The following TCAIM variants were observed in gnomAD, a reference collection of about 807,000 sequenced individuals.
TCAIM encodes the protein T cell activation inhibitor, mitochondrial.
TCAIM carries 36 observed loss-of-function variants against 58.6 expected under a neutral mutation model. The ratio of observed to expected loss-of-function variants is 0.61; its 90% CI spans 0.47 to 0.81. TCAIM has a LOEUF of 0.81. TCAIM is among the 30% of genes least tolerant of loss of function. The pLI, the probability that TCAIM is intolerant of heterozygous loss-of-function variation, is 0.00. For missense variants in TCAIM, 466 were observed against 579.6 expected, an observed-to-expected ratio of 0.80 and a Z score of 2.01; for synonymous variants, 172 against 193.6, an observed-to-expected ratio of 0.89 and a Z score of 0.93.
chr3:44,393,126 A>G lies in TCAIM; in HGVS notation c.695+149A>G, dbSNP rs1353271174. On this transcript the variant is annotated intron_variant, in intron 6 of 10. Transcript: ENST00000342649. Reference sequence around the variant, plus strand: ...TCTTTATGAACATCATGAAATGTTCATCTGTGTAAGAAAACTCTTATTAAT... The same window carrying G: ...TCTTTATGAACATCATGAAATGTTCGTCTGTGTAAGAAAACTCTTATTAAT... 8 of 707,854 alleles carry G rather than the reference A, an allele frequency of 1.1e-5. No homozygotes were observed. The Admixed American group carries it at 2.0e-4, about 18-fold the overall frequency. The allele number at this position is 707,854 out of a possible 1,614,324, so 43.8% of individuals were successfully genotyped here. A position where few individuals can be genotyped will look rare whatever the true frequency, so the allele number is the denominator to read the frequency against.
intron 10 of TCAIM, among the ~76,000 whole-genome samples, chr3:44,402,646 G>A (rs548829604): frequency 6.6e-6 from 1 of 152,244 alleles, no homozygotes; most frequent in East Asian, 1.9e-4. Flanking sequence ...ACTCAGACAT[G>A]ATCTCTGCCT....
At chr3:44,394,921 A>AAATAT in intron 6 of TCAIM, among the ~76,000 whole-genome samples, 1 of 48,486 alleles carries the variant, frequency 2.1e-5, no homozygotes, top group Non-Finnish European at 3.3e-5. Context: ...AAAAAAAAAA[A>AAATAT]ATATATATAT....
chr3:44,339,947 TA>T (rs1462102487), intron 1 of TCAIM: 1 of 152,248 alleles, frequency 6.6e-6, no homozygotes, highest in Non-Finnish European at 1.5e-5. Context: ...ATGGGTGAGT[TA>T]AAGACTCGGT....
At position 44,400,349 on chromosome 3, in the gene TCAIM, CTG is replaced by C. The variant is rs1559584611; in HGVS notation, c.886-4_886-3del. 1.2e-6 allele frequency: 2 copies of C among 1,608,196 alleles called. No individual in the cohort carries two copies. The highest frequency in any genetic ancestry group is 1.7e-6 in the Non-Finnish European group (2 of 1,175,500). Reference sequence around the variant, plus strand: ...AATTATTTCTTTCCCTTTGTTAACACTGTAGCTTTTTGAAAGATTGCCAAGTT... The same window carrying C: ...AATTATTTCTTTCCCTTTGTTAACACTAGCTTTTTGAAAGATTGCCAAGTT... On this transcript the variant is annotated splice_region_variant and splice_polypyrimidine_tract_variant and intron_variant, in intron 8 of 10. Transcript: ENST00000342649.
intron 3 of TCAIM, chr3:44,358,414 G>GT (rs919737840): frequency 1.7e-6 from 1 of 603,132 alleles, no homozygotes; most frequent in African/African-American, 2.0e-5. Flanking sequence ...ATATCCATGG[G>GT]TTTTACATCC....
chr3:44,354,849 CG>C, intron 2 of TCAIM, 38 bp downstream of exon 2: 4 of 1,595,974 alleles, frequency 2.5e-6, no homozygotes, highest in Non-Finnish European at 2.6e-6. Context: ...AGTATTGTGG[CG>C]GGGGGAGGTC....
At chr3:44,377,072 A>G (rs1701577281) in intron 5 of TCAIM, among the ~76,000 whole-genome samples, 1 of 152,232 alleles carries the variant, frequency 6.6e-6, no homozygotes, top group Non-Finnish European at 1.5e-5. Flanking sequence ...CCTGGGCAAC[A>G]GAGTGAGACT....
intron 10 of TCAIM, among the ~76,000 whole-genome samples, chr3:44,406,598 A>ATGGAAATTTTAT (rs1702105448): frequency 6.6e-6 from 1 of 152,236 alleles, no homozygotes; most frequent in Non-Finnish European, 1.5e-5. Context: ...TGTCTAGTTT[A>ATGGAAATTTTAT]TGGAAATTTT....
intron 1 of TCAIM, among the ~76,000 whole-genome samples, chr3:44,349,157 G>T (rs2125627086): frequency 6.6e-6 from 1 of 152,254 alleles, no homozygotes; most frequent in South Asian, 2.1e-4. Flanking sequence ...TTGGGGTGGA[G>T]ACTGAAGGAA....
intron 1 of TCAIM, among the ~76,000 whole-genome samples, chr3:44,349,554 C>G (rs1701042525): frequency 6.6e-6 from 1 of 152,016 alleles, no homozygotes; most frequent in Admixed American, 6.5e-5. Flanking sequence ...TACTTACCCC[C>G]CAGGGGAGGT....
intron 1 of TCAIM, among the ~76,000 whole-genome samples, chr3:44,354,383 G>A (rs1206606385): frequency 6.6e-6 from 1 of 152,048 alleles, no homozygotes; most frequent in African/African-American, 2.4e-5. Flanking sequence ...TATTGAGTTG[G>A]CTACTCTCTG....
At chr3:44,405,617 G>A (rs757500042) in intron 10 of TCAIM, among the ~76,000 whole-genome samples, 7 of 151,946 alleles carry the variant, frequency 4.6e-5, no homozygotes, top group African/African-American at 7.3e-5. Context: ...AGGCTGCAGT[G>A]AACCATGGTC....
chr3:44,382,274 T>C (rs776325331), intron 5 of TCAIM, among the ~76,000 whole-genome samples: 2 of 152,142 alleles, frequency 1.3e-5, no homozygotes, highest in Admixed American at 6.6e-5. Context: ...AACAGACATA[T>C]AGGCCAGGTG....
rs746432992 is a variant in TCAIM at position 44,392,839 on chromosome 3, ATCTC to A, written c.573-10_573-7del. The A allele has an allele frequency of 2.3e-5, 37 of 1,608,316 alleles. No homozygotes were observed. The highest frequency in any genetic ancestry group is 1.0e-4 in the Admixed American group (6 of 59,192). On this transcript the variant is annotated splice_polypyrimidine_tract_variant and intron_variant, in intron 5 of 10. Transcript: ENST00000342649. ...TTATAGTTAGTATTGTAAAGTATGT[ATCTC>A]TCTCTTTCTAGATCCTGGTTAGATA...
At chr3:44,368,139 C>A (rs1701411063) in intron 5 of TCAIM, among the ~76,000 whole-genome samples, 1 of 152,134 alleles carries the variant, frequency 6.6e-6, no homozygotes, top group Non-Finnish European at 1.5e-5. Flanking sequence ...ATAATCCATA[C>A]ATAAGAAAAA....
intron 8 of TCAIM, among the ~76,000 whole-genome samples, chr3:44,397,205 G>A (rs573774675): frequency 6.6e-6 from 1 of 152,260 alleles, no homozygotes; most frequent in Non-Finnish European, 1.5e-5. Flanking sequence ...GACATATTAT[G>A]TATGCCCATG....
At chr3:44,341,210 C>A (rs149132162) in intron 1 of TCAIM, 4 of 152,072 alleles carry the variant, frequency 2.6e-5, no homozygotes, top group African/African-American at 9.7e-5. Context: ...TCATTTCTCC[C>A]CTATTGCTCT....
At chr3:44,352,240 C>T (rs1701107727) in intron 1 of TCAIM, among the ~76,000 whole-genome samples, 1 of 151,742 alleles carries the variant, frequency 6.6e-6, no homozygotes, top group Non-Finnish European at 1.5e-5. Flanking sequence ...GCTCAGAGCT[C>T]AATTACATGG....
chr3:44,393,541 A>G (rs1408328751), intron 6 of TCAIM, among the ~76,000 whole-genome samples: 1 of 152,168 alleles, frequency 6.6e-6, no homozygotes, highest in African/African-American at 2.4e-5. Flanking sequence ...TTTTGGCGTA[A>G]TAAACTTTTT....
Sources: gnomAD v4.1 joint callset for allele counts (sites outside exome capture counted in the v4.1 genomes callset) on GRCh38, gnomAD v4.1.1 for gene constraint, MANE v1.5 for transcripts, NCBI Gene and HGNC (gene_info 2026-07-23, HGNC 2026-07-21) for gene names.